ZFHX3: variants seen among roughly 807,000 people sequenced by gnomAD.
ZFHX3 encodes the protein zinc finger homeobox protein 3.
ZFHX3 carries 42 observed loss-of-function variants against 279.1 expected under a neutral mutation model. That is an observed-to-expected ratio of 0.15 (90% CI 0.12 to 0.19). ZFHX3 has a LOEUF of 0.19. Among genes scored for constraint, ZFHX3 ranks in the 10% least tolerant of loss-of-function variants. ZFHX3 has a pLI of 1.00. For missense variants in ZFHX3, 4,981 were observed against 4,754.0 expected (o/e 1.05, Z -1.40); for synonymous variants, 2,293 against 1,957.8 (o/e 1.17, Z -4.52).
intron 3 of ZFHX3, among the ~76,000 whole-genome samples, chr16:73,372,151 T>C (rs1260474371): frequency 6.6e-6 from 1 of 152,212 alleles, no homozygotes; most frequent in Non-Finnish European, 1.5e-5. Flanking sequence ...AGTTGAGAAA[T>C]GACTTCTAAA....
At position 72,933,213 on chromosome 16, in the gene ZFHX3, G is replaced by A. The variant is rs558036684; in HGVS notation, c.3216+17256C>T. Among the ~76,000 whole-genome samples, 7 of 152,150 alleles carry A rather than the reference G, an allele frequency of 4.6e-5. No individual in the cohort carries two copies. The South Asian group carries it at 1.2e-3, about 27-fold the overall frequency. ...CAGTAGCTTGAGCGCTCTTAACCAG[G>A]TATGTTACTACCTCTAGTGAAATGT... is the stretch of plus-strand genomic sequence containing the variant. On this transcript the variant is annotated intron_variant, in intron 3 of 9. Transcript: ENST00000268489.
intron 5 of ZFHX3, among the ~76,000 whole-genome samples, chr16:73,256,829 T>C (rs933062471): frequency 1.3e-5 from 2 of 152,150 alleles, no homozygotes; most frequent in African/African-American, 2.4e-5. Context: ...ATTTGGTGAA[T>C]CTCCTCTCCA....
At chr16:73,367,471 A>C (rs2016549192) in intron 3 of ZFHX3, among the ~76,000 whole-genome samples, 1 of 152,224 alleles carries the variant, frequency 6.6e-6, no homozygotes, top group Non-Finnish European at 1.5e-5. Flanking sequence ...TCATGTGTTC[A>C]AGCTGGCCCA....
intron 1 of ZFHX3, among the ~76,000 whole-genome samples, chr16:72,981,271 T>C (rs1240734637): frequency 6.6e-6 from 1 of 152,182 alleles, no homozygotes; most frequent in East Asian, 1.9e-4. Flanking sequence ...CGCCTGGGCA[T>C]AGCACCTGAC....
intron 2 of ZFHX3, among the ~76,000 whole-genome samples, chr16:73,589,611 T>C (rs913639334): frequency 2.0e-5 from 3 of 150,780 alleles, no homozygotes; most frequent in Non-Finnish European, 4.4e-5. Context: ...GTGCCTGTAG[T>C]CCCAGCTACT....
At chr16:73,662,006 A>ATTTT (rs371669198) in intron 2 of ZFHX3, among the ~76,000 whole-genome samples, 59 of 141,848 alleles carry the variant, frequency 4.2e-4, no homozygotes, top group Admixed American at 9.3e-4. Context: ...CAACGGACCA[A>ATTTT]TTTTTTTTTT....
At chr16:73,048,984 G>C (rs910644783), upstream of ZFHX3, among the ~76,000 whole-genome samples, 7 of 152,230 alleles carry the variant, frequency 4.6e-5, no homozygotes, top group Non-Finnish European at 8.8e-5. Context: ...CAAAGATCGT[G>C]CCCTTTCCCA....
chr16:72,958,569 G>A lies in ZFHX3; in HGVS notation c.1577C>T (p.Ser526Leu), dbSNP rs1309605420. ...GGGGGAGTTAGAAATGCTTTGGTTTGAGAGAGCAAGGTCCTTTTTGCTGCT... is the reference window on the plus strand; with the variant it reads ...GGGGGAGTTAGAAATGCTTTGGTTTAAGAGAGCAAGGTCCTTTTTGCTGCT... ...GSSSKKDLAL[S>L]NQSISNSPLM... The change falls in exon 2 of 10, where the codon TCA (serine) becomes TTA (leucine). Residue 526 changes from serine (S) to leucine (L), a missense_variant. Ser to Leu is a moderately radical substitution (Grantham distance 145). Around this residue, in one of 7 missense-constraint regions of ZFHX3, gnomAD observed 1,068 missense variants for 935.2 expected, o/e 1.14. Transcript: ENST00000268489. 3 of 1,614,112 alleles carry A rather than the reference G, an allele frequency of 1.9e-6. No individual in the cohort carries two copies. The highest frequency in any genetic ancestry group is 2.5e-6 in the Non-Finnish European group (3 of 1,180,024).
chr16:73,851,024 T>A (rs769851505), intron 1 of ZFHX3, among the ~76,000 whole-genome samples: 50 of 152,164 alleles, frequency 3.3e-4, no homozygotes, highest in Admixed American at 1.8e-3. Context: ...TTCAAAATTT[T>A]CCTTTTATTA....
chr16:73,444,933 C>T lies in ZFHX3; in HGVS notation c.-1291+11070G>A, dbSNP rs528081119. Among the ~76,000 whole-genome samples, 6 of 112,342 alleles carry T rather than the reference C, an allele frequency of 5.3e-5. No homozygotes were observed. The South Asian group carries it at 1.8e-3, about 34-fold the overall frequency. The allele number at this position is 112,342 out of a possible 152,430, so 73.7% of individuals were successfully genotyped here. ...AGGAGATTGAGACCATCCTGGCTAA[C>T]ATGGTGAAACTCCATCTATACTAAA... On this transcript the variant is annotated intron_variant, in intron 3 of 17. Transcript: ENST00000641206.
At chr16:73,402,121 T>G (rs2017267956) in intron 3 of ZFHX3, 1 of 152,242 alleles carries the variant, frequency 6.6e-6, no homozygotes, top group Non-Finnish European at 1.5e-5. Context: ...CCCACATATC[T>G]GCATTTCAAG....
At chr16:73,789,078 TATAA>T (rs1201288627) in intron 1 of ZFHX3, among the ~76,000 whole-genome samples, 1 of 150,792 alleles carries the variant, frequency 6.6e-6, no homozygotes, top group Non-Finnish European at 1.5e-5. Flanking sequence ...ATATATATCT[TATAA>T]ATAGACAACA....
chr16:73,602,661 T>C (rs2143864517), intron 2 of ZFHX3, among the ~76,000 whole-genome samples: 1 of 152,156 alleles, frequency 6.6e-6, no homozygotes, highest in Non-Finnish European at 1.5e-5. Context: ...AATATTATCA[T>C]CTCGGCTAGG....
At chr16:73,537,314 C>CTTT (rs3051948) in intron 2 of ZFHX3, among the ~76,000 whole-genome samples, 234 of 77,602 alleles carry the variant, frequency 3.0e-3, no homozygotes, top group Non-Finnish European at 4.2e-3. Flanking sequence ...CTTTCTTCTT[C>CTTT]TTTTTTTTTT....
At chr16:73,060,714 AC>A (rs1436797670), upstream of ZFHX3, 3 of 152,196 alleles carry the variant, frequency 2.0e-5, no homozygotes, top group African/African-American at 7.2e-5. Flanking sequence ...TGTAAAAACA[AC>A]ATTTATGTTT....
intron 1 of ZFHX3, among the ~76,000 whole-genome samples, chr16:73,860,242 C>T (rs935352398): frequency 6.6e-6 from 1 of 152,158 alleles, no homozygotes; most frequent in Non-Finnish European, 1.5e-5. Flanking sequence ...AATGTTCCCC[C>T]AAGTATGTGG....
At chr16:73,023,803 C>T (rs372293729) in intron 1 of ZFHX3, among the ~76,000 whole-genome samples, 108 of 152,326 alleles carry the variant, frequency 7.1e-4, no homozygotes, top group Non-Finnish European at 3.1e-4. Context: ...AAGGCTGCAA[C>T]GACCACACAC....
chr16:72,951,229 A>G (rs1421399510), intron 2 of ZFHX3, among the ~76,000 whole-genome samples: 2 of 152,026 alleles, frequency 1.3e-5, no homozygotes, highest in South Asian at 4.1e-4. Flanking sequence ...CACCTAGAAA[A>G]GTTAGGAGCC....
intron 7 of ZFHX3, among the ~76,000 whole-genome samples, chr16:72,800,826 C>CAGA (rs2036077292): frequency 1.3e-5 from 2 of 152,294 alleles, no homozygotes; most frequent in East Asian, 3.9e-4. Context: ...ACCAACGTCC[C>CAGA]AGCGATAGAG....
Sources: allele counts gnomAD v4.1 joint callset (sites outside exome capture counted in the v4.1 genomes callset), GRCh38; gene constraint gnomAD v4.1.1; regional missense constraint gnomAD v4.1.1; transcripts MANE v1.5; gene names NCBI Gene and HGNC (gene_info 2026-07-23, HGNC 2026-07-21).